ABCA10: variants seen among roughly 807,000 people sequenced by gnomAD.
ABCA10 encodes ATP binding cassette subfamily A member 10.
Under a neutral mutation model 187.5 loss-of-function variants are expected in ABCA10, and 169 were observed. That is an observed-to-expected ratio of 0.90 (90% CI 0.80 to 1.02). The LOEUF is 1.02. ABCA10 is among the 50% of genes least tolerant of loss of function. The pLI is 0.00. For synonymous variants in ABCA10, 574 were observed against 601.8 expected (o/e 0.95, Z 0.68); for missense variants, 1,727 against 1,812.4 (o/e 0.95, Z 0.86).
chr17:69,176,475 TG>T (rs2074334787), intron 22 of ABCA10, among the ~76,000 whole-genome samples: 1 of 151,922 alleles, frequency 6.6e-6, no homozygotes. Flanking sequence ...CAGGTGCAGG[TG>T]GAAGGGCAAA....
intron 5 of ABCA10, among the ~76,000 whole-genome samples, chr17:69,221,472 T>G (rs572325891): frequency 6.6e-6 from 1 of 152,254 alleles, no homozygotes; most frequent in East Asian, 1.9e-4. Context: ...AGGCAGAGAT[T>G]GAAAAGAGGA....
intron 20 of ABCA10, among the ~76,000 whole-genome samples, chr17:69,183,199 G>C (rs2074393762): frequency 6.6e-6 from 1 of 152,064 alleles, no homozygotes; most frequent in Non-Finnish European, 1.5e-5. Flanking sequence ...TCATGACCCA[G>C]GCTTGTTCTA....
chr17:69,199,758 A>G (rs1010526855), intron 10 of ABCA10, among the ~76,000 whole-genome samples: 33 of 152,254 alleles, frequency 2.2e-4, no homozygotes, highest in Non-Finnish European at 5.9e-5. Flanking sequence ...TTATTGAACC[A>G]TGTCCTAAAA....
chr17:69,211,340 TATATA>T (rs1288777483), intron 9 of ABCA10, among the ~76,000 whole-genome samples: 9 of 112,748 alleles, frequency 8.0e-5, no homozygotes, highest in African/African-American at 1.4e-4. Flanking sequence ...TATATATATA[TATATA>T]TATATATATA....
At chr17:69,163,871 A>C (rs2074236532) in intron 27 of ABCA10, among the ~76,000 whole-genome samples, 1 of 152,142 alleles carries the variant, frequency 6.6e-6, no homozygotes, top group African/African-American at 2.4e-5. Flanking sequence ...CAGCAACCAA[A>C]CCTTTAAATG....
intron 25 of ABCA10, among the ~76,000 whole-genome samples, 173 bp from the exon 26 acceptor site, chr17:69,165,256 T>G (rs757108296): frequency 4.6e-5 from 7 of 152,150 alleles, no homozygotes; most frequent in Non-Finnish European, 1.0e-4. Context: ...TCACTGCAAC[T>G]AAAACATAGG....
At position 69,199,138 on chromosome 17, in the gene ABCA10, T is replaced by A. The variant is rs574501196; in HGVS notation, c.1176-2016A>T. 1.5e-4 allele frequency among the ~76,000 whole-genome samples: 23 copies of A among 152,352 alleles called. No individual in the cohort carries two copies. In the South Asian group the frequency reaches 4.6e-3, roughly 30 times the overall value. On this transcript the variant is annotated intron_variant, in intron 10 of 38. Transcript: ENST00000690296. Reference sequence around the variant, plus strand: ...TTCACATACCCCACCATACTTTATATGACCAAGACCTTTCTCTTTCATAAG... The same window carrying A: ...TTCACATACCCCACCATACTTTATAAGACCAAGACCTTTCTCTTTCATAAG...
At chr17:69,219,874 CATTTT>C (rs1223926165) in intron 5 of ABCA10, 103 bp from the exon 6 acceptor site, 3 of 805,510 alleles carry the variant, frequency 3.7e-6, no homozygotes, top group Non-Finnish European at 5.6e-6. Flanking sequence ...ATATTCTCAT[CATTTT>C]AAAGTATGAA....
rs781133755 is a variant in ABCA10 at position 69,192,584 on chromosome 17, C to A, written c.1850G>T (p.Trp617Leu). The A allele has an allele frequency of 6.2e-6, 10 of 1,613,154 alleles. No individual in the cohort carries two copies. The East Asian group carries it at 1.1e-4, about 18-fold the overall frequency. Reference protein sequence around the residue: ...AGSSLFLKRKWGIGYHLSLHR... With the variant: ...AGSSLFLKRKLGIGYHLSLHR... ...ATACCTTAAATGATATCCAATACCC[C>A]ACTTTCGCTTCAGAAACAAAGATGA... The change falls in exon 16 of 39, where the codon TGG becomes TTG. Residue 617 changes from tryptophan to leucine, a missense_variant. Trp to Leu is a moderately conservative substitution (Grantham distance 61, BLOSUM62 -2). Transcript: ENST00000690296.
intron 6 of ABCA10, among the ~76,000 whole-genome samples, chr17:69,216,916 T>C (rs1157870870): frequency 6.6e-6 from 1 of 152,266 alleles, no homozygotes; most frequent in African/African-American, 2.4e-5. Context: ...CAGAATACCA[T>C]AGTGCTATTA....
At chr17:69,229,902 C>A (rs928122249), upstream of ABCA10, among the ~76,000 whole-genome samples, 7 of 152,048 alleles carry the variant, frequency 4.6e-5, no homozygotes, top group African/African-American at 1.7e-4. Context: ...CAGACATACA[C>A]CCTTCTTAAT....
At chr17:69,170,373 C>T (rs959020634) in intron 25 of ABCA10, among the ~76,000 whole-genome samples, 2 of 150,248 alleles carry the variant, frequency 1.3e-5, no homozygotes, top group Non-Finnish European at 3.0e-5. Context: ...CTTCTTTCAC[C>T]TTTATTCCAT....
At chr17:69,172,622 A>G (rs1964468990) in intron 25 of ABCA10, among the ~76,000 whole-genome samples, 1 of 152,178 alleles carries the variant, frequency 6.6e-6, no homozygotes, top group South Asian at 2.1e-4. Flanking sequence ...AAATTAATAC[A>G]AAGTAATAAA....
intron 36 of ABCA10, 30 bp downstream of exon 36, chr17:69,152,013 C>T (rs770647942): frequency 6.3e-7 from 1 of 1,596,878 alleles, no homozygotes; most frequent in South Asian, 1.1e-5. Flanking sequence ...AACACTCATA[C>T]TTGTCACTCA....
chr17:69,216,262 G>A lies in ABCA10; in HGVS notation c.627C>T (p.Gly209=). The A allele has an allele frequency of 1.2e-6, 2 of 1,613,598 alleles. No individual in the cohort carries two copies. The highest frequency in any genetic ancestry group is 1.7e-6 in the Non-Finnish European group (2 of 1,179,750). ...ITSIPIVFHT[G]FMVIFTLYSL... ...TATAGAGTGTGAATATCACCATGAA[G>A]CCAGTATGAAATACAATTGGGATTG... The change falls in exon 7 of 39, where the codon GGC becomes GGT. Residue 209 remains glycine (G), a synonymous_variant. Transcript: ENST00000690296.
chr17:69,227,762 G>A (rs953559007), intron 1 of ABCA10, among the ~76,000 whole-genome samples: 2 of 151,886 alleles, frequency 1.3e-5, no homozygotes, highest in Non-Finnish European at 2.9e-5. Flanking sequence ...TTGATATCTT[G>A]TTAACCACTG....
At chr17:69,183,796 A>G (rs1339469332) in intron 20 of ABCA10, among the ~76,000 whole-genome samples, 1 of 152,146 alleles carries the variant, frequency 6.6e-6, no homozygotes, top group East Asian at 1.9e-4. Context: ...GACCACAGGA[A>G]GAAGGAAACT....
chr17:69,179,249 A>C (rs2074360701), intron 22 of ABCA10, among the ~76,000 whole-genome samples: 1 of 152,190 alleles, frequency 6.6e-6, no homozygotes, highest in Admixed American at 6.5e-5. Context: ...AAAAGGGAAA[A>C]ATAGAACCCC....
rs1014554602 is a variant in ABCA10, at chr17:69,192,050, C to T, written c.1871+513G>A. ...GCTTAAAAATGTCGTATAGGCCGGGCGCGGTGGCTCATGCCTGTAATCCCA... is the reference window on the plus strand; with the variant it reads ...GCTTAAAAATGTCGTATAGGCCGGGTGCGGTGGCTCATGCCTGTAATCCCA... On this transcript the variant is annotated intron_variant, in intron 16 of 38. Transcript: ENST00000690296. Among the ~76,000 whole-genome samples, 29 of 152,170 alleles carry T rather than the reference C, an allele frequency of 1.9e-4. 1 individual carries two copies. The highest frequency in any genetic ancestry group is 3.4e-4 in the African/African-American group (14 of 41,438).
Sources: allele counts gnomAD v4.1 joint callset (sites outside exome capture counted in the v4.1 genomes callset), GRCh38; gene constraint gnomAD v4.1.1; transcripts MANE v1.5; gene names NCBI Gene and HGNC (gene_info 2026-07-23, HGNC 2026-07-21).